FAM171A1: variants seen among roughly 807,000 people sequenced by gnomAD.
The protein encoded by FAM171A1 is family with sequence similarity 171 member A1.
Under a neutral mutation model 74.9 loss-of-function variants are expected in FAM171A1, and 23 were observed. The ratio of observed to expected loss-of-function variants is 0.31; its 90% CI spans 0.22 to 0.44. The LOEUF (loss-of-function observed/expected upper bound fraction) is 0.44, where lower values mean the gene tolerates loss of function less well. Ranked by LOEUF, FAM171A1 falls within the 20% of genes least tolerant of loss-of-function variation. The pLI is 1.00. For missense variants in FAM171A1, 1,162 were observed against 1,159.2 expected, an observed-to-expected ratio of 1.00 and a Z score of -0.03; for synonymous variants, 527 against 505.7, an observed-to-expected ratio of 1.04 and a Z score of -0.57.
intron 3 of FAM171A1, among the ~76,000 whole-genome samples, chr10:15,263,507 C>A (rs942036442): frequency 6.6e-6 from 1 of 152,190 alleles, no homozygotes; most frequent in Admixed American, 6.5e-5. Flanking sequence ...AATTTGCCAG[C>A]GTTTTGTGAC....
At chr10:15,277,236 A>G (rs1222144548) in intron 2 of FAM171A1, among the ~76,000 whole-genome samples, 1 of 152,108 alleles carries the variant, frequency 6.6e-6, no homozygotes, top group Admixed American at 6.6e-5. Flanking sequence ...ATTATTTTTG[A>G]GACAGAGTTT....
At chr10:15,298,325 G>C (rs866580474) in intron 1 of FAM171A1, among the ~76,000 whole-genome samples, 3 of 151,696 alleles carry the variant, frequency 2.0e-5, no homozygotes, top group Non-Finnish European at 2.9e-5. Context: ...GTAGGGACAG[G>C]GTTTCACTGT....
chr10:15,287,004 A>C (rs1342260188), intron 1 of FAM171A1, among the ~76,000 whole-genome samples: 2 of 152,214 alleles, frequency 1.3e-5, no homozygotes, highest in Non-Finnish European at 2.9e-5. Flanking sequence ...CATGAAAATC[A>C]AGGATATGAT....
In FAM171A1 at chr10:15,312,673, G is replaced by GTTTTTTT. The variant is rs1169098742; in HGVS notation, c.98-28575_98-28569dup. Among the ~76,000 whole-genome samples the GTTTTTTT allele has an allele frequency of 1.3e-3, 49 of 36,402 alleles. 2 individuals are homozygous for GTTTTTTT. Among genetic ancestry groups the GTTTTTTT allele is most frequent in the African/African-American group, 1.6e-3 (14 of 8,554 alleles). The allele number at this position is 36,402 out of a possible 152,430, so 23.9% of individuals were successfully genotyped here. ...TACTGGAATGAGTTCAGCACTGTGT[G>GTTTTTTT]TTTTTTTTTTTTTTTTTTTTTTTTT... is the stretch of plus-strand genomic sequence containing the variant. On this transcript the variant is annotated intron_variant, in intron 1 of 7. Transcript: ENST00000378116.
At chr10:15,279,956 G>A (rs961922215) in intron 2 of FAM171A1, among the ~76,000 whole-genome samples, 2 of 152,184 alleles carry the variant, frequency 1.3e-5, no homozygotes, top group Admixed American at 6.5e-5. Context: ...GTGTGGTGGC[G>A]TGCACCTGTA....
intron 2 of FAM171A1, among the ~76,000 whole-genome samples, chr10:15,281,540 T>C (rs767195938): frequency 6.6e-6 from 1 of 152,174 alleles, no homozygotes; most frequent in Non-Finnish European, 1.5e-5. Context: ...TAAACTTCAT[T>C]ATTCCTATGA....
At chr10:15,229,642 CCATCACCAT>C (rs1485871671) in intron 5 of FAM171A1, among the ~76,000 whole-genome samples, 3 of 104,588 alleles carry the variant, frequency 2.9e-5, no homozygotes, top group South Asian at 2.9e-4. Context: ...ACCATCATCA[CCATCACCAT>C]CATCACCATT....
In FAM171A1 at chr10:15,358,189, T is replaced by C. The variant is rs113474691; in HGVS notation, c.97+12767A>G. On this transcript the variant is annotated intron_variant, in intron 1 of 7. Transcript: ENST00000378116. ...CGAGGTCTCCCTATGTTTTCCAGGC[T>C]GGTCTTGAACTCCTGGGCTCAAGCG... is the stretch of plus-strand genomic sequence containing the variant. Among the ~76,000 whole-genome samples, 922 of 152,144 alleles carry C rather than the reference T, an allele frequency of 6.1e-3. 8 individuals are homozygous for C. The highest frequency in any genetic ancestry group is 0.014 in the Middle Eastern group (4 of 294).
chr10:15,326,042 G>C (rs751910241), intron 1 of FAM171A1, among the ~76,000 whole-genome samples: 1 of 152,126 alleles, frequency 6.6e-6, no homozygotes, highest in Admixed American at 6.5e-5. Flanking sequence ...AATCCATCAC[G>C]AACTGTTCAG....
At chr10:15,338,773 C>G (rs917225046) in intron 1 of FAM171A1, among the ~76,000 whole-genome samples, 1 of 152,192 alleles carries the variant, frequency 6.6e-6, no homozygotes, top group Non-Finnish European at 1.5e-5. Context: ...GAGACAGTCT[C>G]TCTGTCACCC....
intron 6 of FAM171A1, 116 bp downstream of exon 6, chr10:15,220,828 T>A: frequency 1.3e-6 from 1 of 773,760 alleles, no homozygotes; most frequent in South Asian, 1.9e-5. Flanking sequence ...CTTTTAACCA[T>A]TTTTGAATAA....
At chr10:15,233,895 C>T (rs988692006) in intron 5 of FAM171A1, among the ~76,000 whole-genome samples, 6 of 108,490 alleles carry the variant, frequency 5.5e-5, no homozygotes, top group African/African-American at 1.7e-4. Flanking sequence ...AGCAAGACTC[C>T]GTCTCACCAA....
intron 3 of FAM171A1, among the ~76,000 whole-genome samples, chr10:15,267,140 G>C (rs1834755040): frequency 6.6e-6 from 1 of 152,166 alleles, no homozygotes; most frequent in African/African-American, 2.4e-5. Flanking sequence ...CCACAGGGGG[G>C]CTACTGCAGT....
At chr10:15,233,523 T>G (rs181596579) in intron 5 of FAM171A1, among the ~76,000 whole-genome samples, 1,223 of 113,306 alleles carry the variant, frequency 0.011, 8 homozygotes, top group Non-Finnish European at 0.015. Context: ...GTATTCAGGG[T>G]GTGTGTGTGT....
At chr10:15,231,106 T>A (rs372805408) in intron 5 of FAM171A1, among the ~76,000 whole-genome samples, 1 of 152,166 alleles carries the variant, frequency 6.6e-6, no homozygotes, top group South Asian at 2.1e-4. Context: ...TCTGGAGACA[T>A]GTGGTAGGAT....
At chr10:15,369,566 T>C (rs1184573536) in intron 1 of FAM171A1, among the ~76,000 whole-genome samples, 1 of 152,234 alleles carries the variant, frequency 6.6e-6, no homozygotes, top group Non-Finnish European at 1.5e-5. Flanking sequence ...TATTCTACCA[T>C]GGCCATAGAA....
intron 1 of FAM171A1, among the ~76,000 whole-genome samples, chr10:15,341,970 A>C (rs1339544936): frequency 1.3e-5 from 2 of 152,226 alleles, no homozygotes; most frequent in African/African-American, 4.8e-5. Flanking sequence ...TGATCCCAGC[A>C]TCAGAATCCC....
chr10:15,248,462 G>A (rs929661213), intron 5 of FAM171A1, among the ~76,000 whole-genome samples, 177 bp downstream of exon 5: 5 of 152,210 alleles, frequency 3.3e-5, no homozygotes, highest in Non-Finnish European at 7.3e-5. Flanking sequence ...GTTCCCAAGA[G>A]AGGGTCTGAA....
chr10:15,220,487 G>A (rs78017219), intron 6 of FAM171A1, among the ~76,000 whole-genome samples: 2,284 of 152,288 alleles, frequency 0.015, 61 homozygotes, highest in African/African-American at 0.052. Context: ...GAAGATTCTC[G>A]TAGATACAAA....
Sources: gnomAD v4.1 joint callset for allele counts (sites outside exome capture counted in the v4.1 genomes callset) on GRCh38, gnomAD v4.1.1 for gene constraint, MANE v1.5 for transcripts, NCBI Gene and HGNC (gene_info 2026-07-23, HGNC 2026-07-21) for gene names.